Variants in FRMD4B observed in about 807,000 individuals in gnomAD.
FRMD4B encodes the protein FERM domain-containing protein 4B.
A neutral mutation model predicts 141.5 loss-of-function variants in FRMD4B; 74 were observed. That is an observed-to-expected ratio of 0.52 (90% CI 0.43 to 0.63). The LOEUF (loss-of-function observed/expected upper bound fraction) is 0.63, where lower values mean the gene tolerates loss of function less well. FRMD4B is among the 30% of genes least tolerant of loss of function. The pLI is 0.00. For missense variants in FRMD4B, 1,366 were observed against 1,253.4 expected, an observed-to-expected ratio of 1.09 and a Z score of -1.36; for synonymous variants, 506 against 467.9, an observed-to-expected ratio of 1.08 and a Z score of -1.05.
chr3:69,318,614 T>C lies in FRMD4B; in HGVS notation c.163-5097A>G, dbSNP rs184679773. On this transcript the variant is annotated intron_variant, in intron 1 of 22. Transcript: ENST00000398540. ...TCAGCATGTGGAAAGATGGCTCTGC[T>C]GATAGGTCAGGGGGCTGATTTGATG... Among the ~76,000 whole-genome samples, 57 of 152,342 alleles carry C rather than the reference T, an allele frequency of 3.7e-4. 1 individual carries two copies. Among genetic ancestry groups the C allele is most frequent in the Non-Finnish European group, 4.4e-5 (3 of 68,032 alleles).
chr3:69,388,089 T>C (rs1485925380), upstream of FRMD4B, among the ~76,000 whole-genome samples: 6 of 152,164 alleles, frequency 3.9e-5, no homozygotes, highest in Non-Finnish European at 8.8e-5. Flanking sequence ...GTGGTACTTT[T>C]TTTTTTTAAA....
chr3:69,452,360 G>A (rs1426133269), intron 1 of FRMD4B, among the ~76,000 whole-genome samples: 1 of 152,260 alleles, frequency 6.6e-6, no homozygotes. Flanking sequence ...AAGGGCATGT[G>A]ATTTGGAGCT....
At chr3:69,504,368 C>G (rs182866633) in intron 1 of FRMD4B, among the ~76,000 whole-genome samples, 22 of 152,176 alleles carry the variant, frequency 1.4e-4, no homozygotes, top group African/African-American at 4.6e-4. Flanking sequence ...GTGTACAATT[C>G]AATGGTTTTT....
chr3:69,541,877 C>A (rs1261368096), intron 1 of FRMD4B, among the ~76,000 whole-genome samples: 1 of 151,904 alleles, frequency 6.6e-6, no homozygotes, highest in Non-Finnish European at 1.5e-5. Flanking sequence ...CCCACGAACG[C>A]GCGGCAACCG....
At chr3:69,273,657 A>G (rs1026159157) in intron 5 of FRMD4B, among the ~76,000 whole-genome samples, 5 of 152,188 alleles carry the variant, frequency 3.3e-5, no homozygotes, top group African/African-American at 1.2e-4. Flanking sequence ...AAATTTGATC[A>G]ATTTAGTTAC....
intron 1 of FRMD4B, among the ~76,000 whole-genome samples, chr3:69,443,570 G>C (rs1353291794): frequency 2.0e-5 from 3 of 152,226 alleles, no homozygotes; most frequent in East Asian, 1.9e-4. Flanking sequence ...ATCTGAAATG[G>C]GGTAGTCTTA....
chr3:69,261,261 T>C (rs533862629), intron 5 of FRMD4B, among the ~76,000 whole-genome samples: 1 of 152,290 alleles, frequency 6.6e-6, no homozygotes, highest in Admixed American at 6.5e-5. Context: ...ACTCCGAACA[T>C]CAGAAGGAAT....
intron 1 of FRMD4B, among the ~76,000 whole-genome samples, chr3:69,490,187 A>G (rs1706279865): frequency 6.6e-6 from 1 of 152,178 alleles, no homozygotes; most frequent in Admixed American, 6.6e-5. Context: ...AAAGCCACTG[A>G]ATTGTGTATT....
intron 1 of FRMD4B, among the ~76,000 whole-genome samples, chr3:69,493,010 G>C (rs947408250): frequency 1.3e-5 from 2 of 152,190 alleles, no homozygotes; most frequent in African/African-American, 4.8e-5. Flanking sequence ...ATTCTTAAGA[G>C]ACTGGATGAA....
chr3:69,365,006 G>C (rs17005689), intron 1 of FRMD4B, among the ~76,000 whole-genome samples: 1 of 151,968 alleles, frequency 6.6e-6, no homozygotes, highest in Non-Finnish European at 1.5e-5. Flanking sequence ...ATATGAAACC[G>C]AATAGTATAG....
At chr3:69,352,666 C>A (rs1007601052) in intron 1 of FRMD4B, among the ~76,000 whole-genome samples, 10 of 152,124 alleles carry the variant, frequency 6.6e-5, no homozygotes, top group African/African-American at 1.9e-4. Flanking sequence ...AGAAAAAAAA[C>A]CTTCCCTTTA....
intron 5 of FRMD4B, among the ~76,000 whole-genome samples, chr3:69,277,585 C>CA (rs2093623879): frequency 7.9e-6 from 1 of 127,256 alleles, no homozygotes; most frequent in African/African-American, 3.1e-5. Flanking sequence ...TGCAGTTGCG[C>CA]AATCTCAGCT....
rs575261651 is a variant in FRMD4B, at chr3:69,211,241, T to C, written c.876+5022A>G. ...TCTTACAACCACCCTACACAGTTGG[T>C]GGCAATACCCTTGTGCAGATGAGAA... On this transcript the variant is annotated intron_variant, in intron 11 of 22. Transcript: ENST00000398540. Among the ~76,000 whole-genome samples the C allele has an allele frequency of 9.2e-5, 14 of 152,268 alleles. No individual in the cohort carries two copies. The South Asian group carries it at 2.7e-3, about 29-fold the overall frequency.
chr3:69,475,200 T>C (rs991987887), intron 1 of FRMD4B, among the ~76,000 whole-genome samples: 1 of 151,932 alleles, frequency 6.6e-6, no homozygotes, highest in African/African-American at 2.4e-5. Context: ...TTTCTTTTTC[T>C]TTTTTTTCTT....
rs535106823 is a variant in FRMD4B at position 69,176,826 on chromosome 3, T to C, written c.2852-170A>G. ...TAGTGACTTCCTGGCTATGTGACCT[T>C]AGGCAAGTAGTTTATCCTCTTTAAG... On this transcript the variant is annotated intron_variant, in intron 21 of 22. Coordinates refer to ENST00000398540, the MANE Select transcript of FRMD4B (RefSeq NM_015123.3). Among the ~76,000 whole-genome samples, 5 of 152,276 alleles carry C rather than the reference T, an allele frequency of 3.3e-5. No homozygotes were observed. In the East Asian group the frequency reaches 9.7e-4, roughly 29 times the overall value.
chr3:69,231,042 T>G (rs1360785125), intron 7 of FRMD4B, among the ~76,000 whole-genome samples: 2 of 152,198 alleles, frequency 1.3e-5, no homozygotes, highest in Non-Finnish European at 2.9e-5. Flanking sequence ...AAGCACTCGA[T>G]CTCATCTCAT....
At chr3:69,176,191 G>A (rs1045437947) in intron 22 of FRMD4B, among the ~76,000 whole-genome samples, 1 of 151,960 alleles carries the variant, frequency 6.6e-6, no homozygotes, top group Non-Finnish European at 1.5e-5. Flanking sequence ...GAAGACCAGG[G>A]TCAAATCTGA....
chr3:69,530,382 A>C (rs1488812642), intron 1 of FRMD4B, among the ~76,000 whole-genome samples: 1 of 152,156 alleles, frequency 6.6e-6, no homozygotes, highest in Admixed American at 6.5e-5. Context: ...TAGTTGTTAA[A>C]AAGAGTCTGG....
At chr3:69,488,960 T>C (rs1346152741) in intron 1 of FRMD4B, among the ~76,000 whole-genome samples, 1 of 151,224 alleles carries the variant, frequency 6.6e-6, no homozygotes, top group Non-Finnish European at 1.5e-5. Context: ...GTAGTAAATA[T>C]TTGTGACCTC....
Sources: gnomAD v4.1 joint callset for allele counts (sites outside exome capture counted in the v4.1 genomes callset) on GRCh38, gnomAD v4.1.1 for gene constraint, MANE v1.5 for transcripts, NCBI Gene and HGNC (gene_info 2026-07-23, HGNC 2026-07-21) for gene names.